The following NIM1K variants were observed in gnomAD, a reference collection of about 807,000 sequenced individuals.
NIM1K encodes serine/threonine-protein kinase NIM1.
NIM1K carries 35 observed loss-of-function variants against 37.1 expected under a neutral mutation model. The ratio of observed to expected loss-of-function variants is 0.94; its 90% CI spans 0.72 to 1.25. The LOEUF is 1.25. NIM1K is among the 50% of genes most tolerant of loss of function. NIM1K has a pLI of 0.00. For synonymous variants in NIM1K, 234 were observed against 206.6 expected, an observed-to-expected ratio of 1.13 and a Z score of -1.14; for missense variants, 564 against 548.0, an observed-to-expected ratio of 1.03 and a Z score of -0.29.
rs890923351 is a variant in NIM1K at position 43,192,308 on chromosome 5, C to T, written c.-798C>T. On this transcript the variant is annotated 5_prime_UTR_variant, in exon 1 of 4. Transcript: ENST00000326035. Reference sequence around the variant, plus strand: ...TCAAGCGCGACAGCGGCGCCCTCACCTCGGGACATCCACACACCGACCGCT... The same window carrying T: ...TCAAGCGCGACAGCGGCGCCCTCACTTCGGGACATCCACACACCGACCGCT... 3 of 152,620 alleles carry T rather than the reference C, an allele frequency of 2.0e-5. No homozygotes were observed. Among genetic ancestry groups the T allele is most frequent in the African/African-American group, 4.8e-5 (2 of 41,476 alleles). The allele number at this position is 152,620 out of a possible 1,614,324, so 9.5% of individuals were successfully genotyped here.
chr5:43,271,254 C>G (rs1339675440), intron 2 of NIM1K, among the ~76,000 whole-genome samples: 1 of 152,064 alleles, frequency 6.6e-6, no homozygotes, highest in Non-Finnish European at 1.5e-5. Context: ...TCTTTTTTGG[C>G]TTATATTTTT....
intron 1 of NIM1K, among the ~76,000 whole-genome samples, chr5:43,204,081 G>GTTTTTTTTTTTT (rs70994605): frequency 2.3e-5 from 2 of 85,372 alleles, no homozygotes; most frequent in African/African-American, 4.7e-5. Context: ...AGTTCCAATG[G>GTTTTTTTTTTTT]TTTTTTTTTT....
At chr5:43,208,955 G>T (rs1752159582) in intron 1 of NIM1K, among the ~76,000 whole-genome samples, 1 of 152,212 alleles carries the variant, frequency 6.6e-6, no homozygotes, top group South Asian at 2.1e-4. Flanking sequence ...TCGGGCAAAG[G>T]CAAGTCCATG....
intron 2 of NIM1K, among the ~76,000 whole-genome samples, chr5:43,253,211 T>TATAATATA (rs1375405564): frequency 4.2e-3 from 221 of 52,146 alleles, no homozygotes; most frequent in East Asian, 0.023. Flanking sequence ...TAATATAATA[T>TATAATATA]ATGTGTGTGT....
At chr5:43,259,941 T>C (rs1332947992) in intron 2 of NIM1K, among the ~76,000 whole-genome samples, 1 of 152,198 alleles carries the variant, frequency 6.6e-6, no homozygotes, top group East Asian at 1.9e-4. Flanking sequence ...TCTTTAATCA[T>C]ATTGAGTTGA....
chr5:43,219,626 T>A (rs977520476), intron 1 of NIM1K, among the ~76,000 whole-genome samples: 1 of 152,204 alleles, frequency 6.6e-6, no homozygotes, highest in Non-Finnish European at 1.5e-5. Flanking sequence ...TGAGTTGTGT[T>A]ACTTACAGAT....
At chr5:43,235,319 C>T (rs1752605881) in intron 1 of NIM1K, among the ~76,000 whole-genome samples, 1 of 152,198 alleles carries the variant, frequency 6.6e-6, no homozygotes, top group African/African-American at 2.4e-5. Context: ...ATAACAAGTA[C>T]ATTGAAATAC....
At chr5:43,277,825 A>C (rs1042414660) in intron 3 of NIM1K, among the ~76,000 whole-genome samples, 2 of 150,386 alleles carry the variant, frequency 1.3e-5, no homozygotes, top group Non-Finnish European at 2.9e-5. Flanking sequence ...TGAGAGAGAG[A>C]GAGAGAGAGA....
At chr5:43,235,185 A>G (rs944108485) in intron 1 of NIM1K, among the ~76,000 whole-genome samples, 2 of 152,252 alleles carry the variant, frequency 1.3e-5, no homozygotes, top group African/African-American at 4.8e-5. Flanking sequence ...CATTTCATTC[A>G]GTGCTATTTT....
At chr5:43,207,365 A>G in intron 1 of NIM1K, 1 of 790,798 alleles carries the variant, frequency 1.3e-6, no homozygotes, top group Non-Finnish European at 2.3e-6. Context: ...AATGGTGATC[A>G]ATAGATGAAA....
chr5:43,213,835 G>T (rs1752257347), intron 1 of NIM1K, among the ~76,000 whole-genome samples: 1 of 151,682 alleles, frequency 6.6e-6, no homozygotes, highest in Admixed American at 6.6e-5. Context: ...CACCATGTTG[G>T]CCAGGCTGGT....
chr5:43,271,339 C>A (rs1020334698), intron 2 of NIM1K, among the ~76,000 whole-genome samples: 3 of 151,922 alleles, frequency 2.0e-5, no homozygotes, highest in African/African-American at 7.3e-5. Flanking sequence ...GGTGCATATA[C>A]CCCCAGAGAA....
intron 1 of NIM1K, among the ~76,000 whole-genome samples, chr5:43,213,165 T>TTTTC (rs70994607): frequency 0.076 from 2,917 of 38,604 alleles, 37 homozygotes; most frequent in Middle Eastern, 0.17. Context: ...TTCTTTCTTT[T>TTTTC]TTTCTTTCTT....
intron 2 of NIM1K, among the ~76,000 whole-genome samples, chr5:43,270,509 G>T (rs1001475381): frequency 2.0e-5 from 3 of 152,320 alleles, no homozygotes; most frequent in African/African-American, 7.2e-5. Flanking sequence ...AAAGTAGGAA[G>T]CAAGGTTACC....
At chr5:43,224,976 A>G (rs778273825) in intron 1 of NIM1K, among the ~76,000 whole-genome samples, 14 of 152,154 alleles carry the variant, frequency 9.2e-5, no homozygotes, top group Non-Finnish European at 1.0e-4. Context: ...TTACAGGCCT[A>G]AGCCATTGCG....
Position 43,277,232 on chromosome 5 carries a change from G to C in NIM1K, c.468G>C (p.Gly156=). 2 of 1,614,004 alleles carry C rather than the reference G, an allele frequency of 1.2e-6. No homozygotes were observed. Among genetic ancestry groups the C allele is most frequent in the African/African-American group, 1.3e-5 (1 of 74,976 alleles). ...LHLVMEYAGG[G]ELFGKISTEG... ...TGGTGATGGAGTATGCAGGGGGTGG[G>C]GAGCTCTTCGGAAAAATTAGCACTG... is the stretch of plus-strand genomic sequence containing the variant. The change falls in exon 3 of 4, where the codon GGG becomes GGC. Residue 156 remains glycine (G), a synonymous_variant. Transcript: ENST00000326035.
chr5:43,211,943 C>T (rs1752210359), intron 1 of NIM1K, among the ~76,000 whole-genome samples: 1 of 152,158 alleles, frequency 6.6e-6, no homozygotes, highest in Non-Finnish European at 1.5e-5. Flanking sequence ...TTCATCAAAC[C>T]ACACATGCAA....
intron 1 of NIM1K, among the ~76,000 whole-genome samples, chr5:43,195,651 ACT>A (rs1251088695): frequency 9.2e-6 from 1 of 108,896 alleles, no homozygotes; most frequent in Non-Finnish European, 1.9e-5. Flanking sequence ...ACACAGAAAG[ACT>A]CTGAATCCAA....
chr5:43,198,613 A>C (rs1751971731), intron 1 of NIM1K, among the ~76,000 whole-genome samples: 1 of 152,108 alleles, frequency 6.6e-6, no homozygotes, highest in African/African-American at 2.4e-5. Context: ...TCAGAACACG[A>C]TCTATTTCTT....
Sources: gnomAD v4.1 joint callset for allele counts (sites outside exome capture counted in the v4.1 genomes callset) on GRCh38, gnomAD v4.1.1 for gene constraint, MANE v1.5 for transcripts, NCBI Gene and HGNC (gene_info 2026-07-23, HGNC 2026-07-21) for gene names.